The following SPOCK3 variants were observed in gnomAD, a reference collection of about 807,000 sequenced individuals.
SPOCK3 encodes SPARC (osteonectin), cwcv and kazal like domains proteoglycan 3.
SPOCK3 carries 30 observed loss-of-function variants against 56.6 expected under a neutral mutation model. That is an observed-to-expected ratio of 0.53 (90% CI 0.40 to 0.72). The LOEUF is 0.72. Among genes scored for constraint, SPOCK3 ranks in the 30% least tolerant of loss-of-function variants. The pLI is 0.00. For missense variants in SPOCK3, 527 were observed against 530.0 expected (o/e 0.99, Z 0.06); for synonymous variants, 196 against 183.3 (o/e 1.07, Z -0.56).
chr4:167,145,996 A>G (rs559301288), intron 2 of SPOCK3, among the ~76,000 whole-genome samples: 3 of 152,312 alleles, frequency 2.0e-5, no homozygotes, highest in African/African-American at 7.2e-5. Flanking sequence ...AAATTCTCCA[A>G]TTAAAAGACA....
chr4:166,952,168 G>T (rs1034797015), intron 4 of SPOCK3, among the ~76,000 whole-genome samples: 3 of 152,104 alleles, frequency 2.0e-5, no homozygotes, highest in Non-Finnish European at 4.4e-5. Context: ...CGACATGATT[G>T]TGTATCTAGA....
At chr4:166,986,439 T>G (rs577392418) in intron 4 of SPOCK3, among the ~76,000 whole-genome samples, 1 of 152,268 alleles carries the variant, frequency 6.6e-6, no homozygotes, top group East Asian at 1.9e-4. Flanking sequence ...GAAACACATA[T>G]CACACAGATT....
intron 5 of SPOCK3, among the ~76,000 whole-genome samples, chr4:166,897,935 A>G (rs984080465): frequency 1.3e-5 from 2 of 152,164 alleles, no homozygotes; most frequent in African/African-American, 2.4e-5. Context: ...TATGCCTGTA[A>G]TCCCAGCATT....
At chr4:167,125,245 T>G (rs765705148) in intron 2 of SPOCK3, among the ~76,000 whole-genome samples, 21 of 148,994 alleles carry the variant, frequency 1.4e-4, no homozygotes, top group Non-Finnish European at 2.5e-4. Context: ...TTATTTTTAT[T>G]TTTTGGCTGG....
At chr4:166,744,367 C>A (rs1241662088) in intron 8 of SPOCK3, among the ~76,000 whole-genome samples, 5 of 152,122 alleles carry the variant, frequency 3.3e-5, no homozygotes, top group Admixed American at 2.6e-4. Flanking sequence ...CTCCAGAAAA[C>A]TCCAACAAAC....
chr4:166,794,114 C>A (rs1359362551), intron 6 of SPOCK3, among the ~76,000 whole-genome samples: 1 of 149,146 alleles, frequency 6.7e-6, no homozygotes, highest in Non-Finnish European at 1.5e-5. Context: ...CATTGCCATC[C>A]TTTCATCCAG....
intron 4 of SPOCK3, among the ~76,000 whole-genome samples, chr4:166,962,427 G>A (rs556087656): frequency 1.2e-3 from 189 of 152,198 alleles, no homozygotes; most frequent in Non-Finnish European, 2.1e-3. Flanking sequence ...TGCTATTGTT[G>A]TGAGTAATAA....
intron 6 of SPOCK3, among the ~76,000 whole-genome samples, chr4:166,842,153 G>C (rs1246522681): frequency 2.0e-5 from 3 of 152,210 alleles, no homozygotes; most frequent in Non-Finnish European, 4.4e-5. Flanking sequence ...CATAGAGGCA[G>C]TGCGGACCCA....
At chr4:166,826,878 A>C (rs2126780941) in intron 6 of SPOCK3, among the ~76,000 whole-genome samples, 1 of 152,250 alleles carries the variant, frequency 6.6e-6, no homozygotes, top group East Asian at 1.9e-4. Flanking sequence ...TGGCCTGGAC[A>C]GAGAATCAGA....
intron 3 of SPOCK3, among the ~76,000 whole-genome samples, chr4:167,016,543 CTT>C (rs555463084): frequency 5.6e-5 from 8 of 142,674 alleles, no homozygotes; most frequent in South Asian, 2.2e-4. Flanking sequence ...CCCAGAAAAT[CTT>C]TTTTTTTTTT....
chr4:167,043,533 TAG>T (rs2150205551), intron 3 of SPOCK3, among the ~76,000 whole-genome samples: 1 of 152,158 alleles, frequency 6.6e-6, no homozygotes, highest in Admixed American at 6.5e-5. Flanking sequence ...TCCTGAAGCT[TAG>T]AGTTTCTCAT....
chr4:167,132,256 A>G (rs771914035), intron 2 of SPOCK3, among the ~76,000 whole-genome samples: 2 of 152,230 alleles, frequency 1.3e-5, no homozygotes, highest in Non-Finnish European at 2.9e-5. Flanking sequence ...CAATAGCAGA[A>G]CTACAGTCAA....
intron 2 of SPOCK3, among the ~76,000 whole-genome samples, chr4:167,126,765 C>T (rs562989292): frequency 5.3e-5 from 8 of 152,104 alleles, no homozygotes; most frequent in South Asian, 4.1e-4. Flanking sequence ...AAACCACATA[C>T]GCAGTAACAC....
chr4:167,000,538 T>TA, intron 3 of SPOCK3, 75 bp from the exon 4 acceptor site: 1 of 703,290 alleles, frequency 1.4e-6, no homozygotes, highest in Non-Finnish European at 2.4e-6. Context: ...AAACACAATT[T>TA]GATCAGGTCA....
intron 6 of SPOCK3, among the ~76,000 whole-genome samples, chr4:166,832,511 T>C (rs2126799591): frequency 6.6e-6 from 1 of 152,230 alleles, no homozygotes; most frequent in South Asian, 2.1e-4. Context: ...TTGGAAATTT[T>C]CCAAAGAACT....
chr4:166,804,328 C>A (rs761975151), intron 6 of SPOCK3, among the ~76,000 whole-genome samples: 3 of 152,212 alleles, frequency 2.0e-5, no homozygotes, highest in Non-Finnish European at 4.4e-5. Flanking sequence ...CAATCTTCTC[C>A]TCTTTGCAGG....
intron 6 of SPOCK3, among the ~76,000 whole-genome samples, chr4:166,800,871 T>C (rs558245456): frequency 1.3e-5 from 2 of 152,292 alleles, no homozygotes; most frequent in South Asian, 2.1e-4. Context: ...CACCACTCAC[T>C]CAGTGACACC....
At chr4:167,137,875 A>G (rs541139087) in intron 2 of SPOCK3, among the ~76,000 whole-genome samples, 1 of 151,996 alleles carries the variant, frequency 6.6e-6, no homozygotes, top group South Asian at 2.1e-4. Context: ...AATGTATTCA[A>G]CTGTTCTAAC....
chr4:167,085,378 T>C (rs1758103872), intron 2 of SPOCK3, among the ~76,000 whole-genome samples: 1 of 152,114 alleles, frequency 6.6e-6, no homozygotes, highest in Non-Finnish European at 1.5e-5. Context: ...GTCATATTGG[T>C]TGTTAAAAAA....
Sources: gnomAD v4.1 joint callset for allele counts (sites outside exome capture counted in the v4.1 genomes callset) on GRCh38, gnomAD v4.1.1 for gene constraint, MANE v1.5 for transcripts, NCBI Gene and HGNC (gene_info 2026-07-23, HGNC 2026-07-21) for gene names.